Variants in NXF3 observed in about 807,000 individuals in gnomAD.
NXF3 encodes nuclear RNA export factor 3.
Under a neutral mutation model 48.4 loss-of-function variants are expected in NXF3, and 34 were observed. That is an observed-to-expected ratio of 0.70 (90% CI 0.53 to 0.93). The LOEUF (loss-of-function observed/expected upper bound fraction) is 0.93. Among genes scored for constraint, NXF3 ranks in the 40% least tolerant of loss-of-function variants. The probability of loss-of-function intolerance (pLI) is 0.00; values close to 1 mark genes in which losing one functional copy is unlikely to be tolerated. For synonymous variants in NXF3, 132 were observed against 145.7 expected (o/e 0.91, Z 0.68); for missense variants, 359 against 406.1 (o/e 0.88, Z 1.00).
Position 103,083,429 on chromosome X carries a change from C to T in NXF3, c.509G>A (p.Ser170Asn), listed in dbSNP as rs756600192. 2.5e-6 allele frequency: 3 copies of T among 1,208,808 alleles called. No homozygotes were observed. Among genetic ancestry groups the T allele is most frequent in the Non-Finnish European group, 3.4e-6 (3 of 894,135 alleles). Residue 170 changes from serine (S) to asparagine (N), a missense_variant, in exon 5 of 20, where the codon AGT becomes AAT. By Grantham distance (46) the Ser-to-Asn change is conservative. Coordinates refer to ENST00000395065, the MANE Select transcript of NXF3 (RefSeq NM_022052.2). Reference protein sequence around the residue: ...ASIAYALKNVSGKIWDEDNEK... With the variant: ...ASIAYALKNVNGKIWDEDNEK... ...ATTATCCTCATCCCAAATCTTGCCACTGACATTCTTCAGTGCATAGGCGAT... is the reference window on the plus strand; with the variant it reads ...ATTATCCTCATCCCAAATCTTGCCATTGACATTCTTCAGTGCATAGGCGAT...
chrX:103,083,636 T>C lies in NXF3; in HGVS notation c.408A>G (p.Glu136=), dbSNP rs756880823. 9.1e-6 allele frequency: 11 copies of C among 1,210,306 alleles called. No homozygotes were observed. Among genetic ancestry groups the C allele is most frequent in the South Asian group, 3.5e-5 (2 of 56,944 alleles). ...CAACTGGGACGAAGGGTACACTGCA[T>C]TCATTCTGAATCAAATTCAGCAGCC... ...EKWLLNLIQN[E]CSVPFVPVEF... The change falls in exon 4 of 20, where the codon GAA becomes GAG. Residue 136 remains glutamate (E), a synonymous_variant. Transcript: ENST00000395065.
intron 1 of NXF3, among the ~76,000 whole-genome samples, chrX:103,090,010 A>G (rs1334826600): frequency 2.4e-4 from 27 of 110,940 alleles, no homozygotes; most frequent in East Asian, 5.6e-4. Flanking sequence ...TTTATTTACC[A>G]GGAATATTTT....
chrX:103,082,908 C>T, intron 7 of NXF3, 60 bp from the exon 8 acceptor site: 1 of 1,128,843 alleles, frequency 8.9e-7, no homozygotes, highest in Non-Finnish European at 1.2e-6. Context: ...GGTACAGCAT[C>T]AGCACTAACC....
intron 1 of NXF3, among the ~76,000 whole-genome samples, chrX:103,091,981 TCA>T (rs1491444674): frequency 6.8e-4 from 20 of 29,517 alleles, no homozygotes; most frequent in African/African-American, 3.3e-3. Context: ...CAAGACTCCA[TCA>T]CAAAAAAAAA....
chrX:103,092,697 A>G (rs899981519), intron 1 of NXF3, among the ~76,000 whole-genome samples: 39 of 112,663 alleles, frequency 3.5e-4, no homozygotes, highest in Non-Finnish European at 2.3e-4. Flanking sequence ...AGGTAATACA[A>G]TCTACCTTGA....
rs376512469 is a variant in NXF3, at chrX:103,085,670, G to A, written c.29-787C>T. ...TGTAATCCCAGCACTTTGGGAAGCC[G>A]AGGTAGGTGTATCACGAGGTCAGGA... On this transcript the variant is annotated intron_variant, in intron 1 of 19. Coordinates refer to ENST00000395065, the MANE Select transcript of NXF3 (RefSeq NM_022052.2). 7.2e-5 allele frequency among the ~76,000 whole-genome samples: 8 copies of A among 111,134 alleles called. No homozygotes were observed. The East Asian group carries it at 1.1e-3, about 16-fold the overall frequency.
In NXF3 at chrX:103,084,525, C is replaced by T. The variant is rs1406980547; in HGVS notation, c.198-30G>A. ...GAGCAAGTGGAGAAAAGGTAGTTCA[C>T]ATATGCTCCGAAAGTATTTTATACA... On this transcript the variant is annotated intron_variant, in intron 2 of 19. Coordinates refer to ENST00000395065, the MANE Select transcript of NXF3 (RefSeq NM_022052.2). 5.0e-6 allele frequency: 6 copies of T among 1,201,968 alleles called. No individual in the cohort carries two copies. In the East Asian group the frequency reaches 1.5e-4, roughly 30 times the overall value.
chrX:103,081,705 A>C (rs1340804111), intron 9 of NXF3: 1 of 113,786 alleles, frequency 8.8e-6, no homozygotes, highest in East Asian at 2.8e-4. Flanking sequence ...CCCAGCTCCT[A>C]GCATTGGCCA....
At chrX:103,089,150 G>A in intron 1 of NXF3, 1 of 777,970 alleles carries the variant, frequency 1.3e-6, no homozygotes, top group South Asian at 2.1e-5. Flanking sequence ...TTCATGCAGG[G>A]CAGAAACTAT....
At chrX:103,082,724 T>C in intron 8 of NXF3, 36 bp downstream of exon 8, 2 of 1,099,095 alleles carry the variant, frequency 1.8e-6, no homozygotes, top group Non-Finnish European at 1.3e-6. Context: ...CTCTTCCACC[T>C]TCACCCTCAA....
At chrX:103,085,017 T>G in intron 1 of NXF3, 134 bp from the exon 2 acceptor site, 4 of 572,029 alleles carry the variant, frequency 7.0e-6, no homozygotes, top group Non-Finnish European at 1.1e-5. Flanking sequence ...CAGACTGTAG[T>G]GCAGTGGCAT....
At chrX:103,077,512 A>G (rs1921901296) in intron 18 of NXF3, 102 bp downstream of exon 18, 1 of 992,416 alleles carries the variant, frequency 1.0e-6, no homozygotes, top group Non-Finnish European at 1.4e-6. Flanking sequence ...TCGGCCTCCC[A>G]AAGTGCTGGG....
Position 103,083,496 on chromosome X carries a change from A to G in NXF3, c.442T>C (p.Tyr148His), listed in dbSNP as rs1483814961. 2.5e-6 allele frequency: 3 copies of G among 1,203,485 alleles called. No homozygotes were observed. The highest frequency in any genetic ancestry group is 4.4e-5 in the Admixed American group (2 of 45,788). Residue 148 changes from tyrosine (Y) to histidine (H), a missense_variant, in exon 5 of 20, where the codon TAT becomes CAT. Tyr to His is a moderately conservative substitution (Grantham distance 83). Transcript: ENST00000395065. ...SVPFVPVEFH[Y>H]ENMHASFFVE... ...AAGAAGCTGGCATGCATGTTTTCAT[A>G]GTGAAACTATAGGGAGAGTTGCAAG...
chrX:103,079,504 G>T, intron 14 of NXF3, 30 bp from the exon 15 acceptor site: 1 of 1,192,289 alleles, frequency 8.4e-7, no homozygotes, highest in Non-Finnish European at 1.1e-6. Flanking sequence ...CAAGGATTTG[G>T]GGGGCTGCCA....
intron 17 of NXF3, among the ~76,000 whole-genome samples, 179 bp downstream of exon 17, chrX:103,078,381 C>T (rs898622273): frequency 8.9e-6 from 1 of 112,362 alleles, no homozygotes; most frequent in African/African-American, 3.2e-5. Context: ...CCACATTCAG[C>T]TTCCTAAAAT....
chrX:103,088,756 TA>T, intron 1 of NXF3: 1 of 1,101,548 alleles, frequency 9.1e-7, no homozygotes. Context: ...TCAGCTCACT[TA>T]AAAAGACATG....
Position 103,083,069 on chromosome X carries a change from G to A in NXF3, c.626C>T (p.Ala209Val). Residue 209 changes from alanine (A) to valine (V), a missense_variant, in exon 7 of 20, where the codon GCC becomes GTC. Coordinates refer to ENST00000395065, the MANE Select transcript of NXF3 (RefSeq NM_022052.2). ...GGAGACATCACACTGTTGGTTCATGGCCAGCTGCAGAGTTAGAGATGGGTT... is the reference window on the plus strand; with the variant it reads ...GGAGACATCACACTGTTGGTTCATGACCAGCTGCAGAGTTAGAGATGGGTT... The part of the protein sequence containing the change: ...KSEKVEQIKL[A>V]MNQQCDVSQE... The A allele has an allele frequency of 8.3e-7, 1 of 1,210,162 alleles. No homozygotes were observed. The highest frequency in any genetic ancestry group is 1.8e-5 in the South Asian group (1 of 56,870).
Position 103,092,501 on chromosome X carries a change from C to T in NXF3, c.28+495G>A, listed in dbSNP as rs146549456. On this transcript the variant is annotated intron_variant, in intron 1 of 19. Transcript: ENST00000395065. ...TGATGTGGGAATTTAACACACCTCT[C>T]TGAGTAACAGATAAAACTAGCAGAC... Among the ~76,000 whole-genome samples, 17 of 112,596 alleles carry T rather than the reference C, an allele frequency of 1.5e-4. 1 individual carries two copies. The highest frequency in any genetic ancestry group is 5.5e-4 in the African/African-American group (17 of 31,054).
Position 103,083,521 on chromosome X carries a change from G to A in NXF3, c.436-19C>T. 1 of 1,188,079 alleles carries A rather than the reference G, an allele frequency of 8.4e-7. No homozygotes were observed. The highest frequency in any genetic ancestry group is 1.1e-6 in the Non-Finnish European group (1 of 873,709). ...AGTGAAACTATAGGGAGAGTTGCAAGAGAAATGAAATATGAGGCCAGAGTC... is the reference window on the plus strand; with the variant it reads ...AGTGAAACTATAGGGAGAGTTGCAAAAGAAATGAAATATGAGGCCAGAGTC... On this transcript the variant is annotated intron_variant, in intron 4 of 19. Transcript: ENST00000395065.
Sources: gnomAD v4.1 joint callset for allele counts (sites outside exome capture counted in the v4.1 genomes callset) on GRCh38, gnomAD v4.1.1 for gene constraint, MANE v1.5 for transcripts, NCBI Gene and HGNC (gene_info 2026-07-23, HGNC 2026-07-21) for gene names.